The following SYNE2 variants were observed in gnomAD, a reference collection of about 807,000 sequenced individuals.
SYNE2 encodes nesprin-2.
Under a neutral mutation model 856.3 loss-of-function variants are expected in SYNE2, and 431 were observed. That is an observed-to-expected ratio of 0.50 (90% CI 0.47 to 0.55). SYNE2 has a LOEUF of 0.55. Ranked by LOEUF, SYNE2 falls within the 20% of genes least tolerant of loss-of-function variation. The probability of loss-of-function intolerance (pLI) is 0.00; values close to 1 mark genes in which losing one functional copy is unlikely to be tolerated. For missense variants in SYNE2, 8,129 were observed against 8,023.2 expected (o/e 1.01, Z -0.50); for synonymous variants, 2,923 against 2,872.3 (o/e 1.02, Z -0.56).
intron 98 of SYNE2, among the ~76,000 whole-genome samples, chr14:64,189,697 T>TCA (rs1447609564): frequency 1.3e-5 from 2 of 152,234 alleles, no homozygotes; most frequent in African/African-American, 4.8e-5. Flanking sequence ...GTATGAGGTT[T>TCA]TGAGACAGTG....
intron 45 of SYNE2, among the ~76,000 whole-genome samples, chr14:64,032,516 T>C (rs1299324091): frequency 6.6e-6 from 1 of 152,206 alleles, no homozygotes; most frequent in East Asian, 1.9e-4. Flanking sequence ...GAGCTGTGAT[T>C]GCACCACTGT....
intron 57 of SYNE2, among the ~76,000 whole-genome samples, chr14:64,082,541 A>G (rs559551943): frequency 6.6e-6 from 1 of 152,278 alleles, no homozygotes; most frequent in South Asian, 2.1e-4. Flanking sequence ...CTAGAAGCTG[A>G]GAGTCAATGA....
At chr14:63,775,841 A>G (rs1326595337) in intron 1 of SYNE2, among the ~76,000 whole-genome samples, 1 of 152,142 alleles carries the variant, frequency 6.6e-6, no homozygotes, top group African/African-American at 2.4e-5. Context: ...GAGATATAGT[A>G]ATAGCTTTTG....
At chr14:63,774,529 GTTTTTTTCT>G (rs376107526) in intron 1 of SYNE2, among the ~76,000 whole-genome samples, 20 of 150,040 alleles carry the variant, frequency 1.3e-4, no homozygotes, top group Middle Eastern at 3.4e-3. Flanking sequence ...CAAGAGAGAA[GTTTTTTTCT>G]TTTTTTTCTT....
Position 64,010,008 on chromosome 14 carries a change from T to C in SYNE2, c.4620T>C (p.Tyr1540=), listed in dbSNP as rs1176196019. 1 of 1,613,892 alleles carries C rather than the reference T, an allele frequency of 6.2e-7. No individual in the cohort carries two copies. Among genetic ancestry groups the C allele is most frequent in the Non-Finnish European group, 8.5e-7 (1 of 1,179,854 alleles). Residue 1540 remains tyrosine, a synonymous_variant, in exon 32 of 116, where the codon TAT becomes TAC. Coordinates refer to ENST00000555002, the MANE Select transcript of SYNE2 (RefSeq NM_182914.3). ...GAGTTTTGGAGCTCTTAAAACAATA[T>C]CAGAATTTTAAAAGCATCTTGACAA... is the stretch of plus-strand genomic sequence containing the variant. ...CGRVLELLKQ[Y]QNFKSILTTL...
In SYNE2 at chr14:64,076,154, G is replaced by A. The variant is rs1255960; in HGVS notation, c.11022+54G>A. On this transcript the variant is annotated intron_variant, in intron 54 of 115. Transcript: ENST00000555002. ...TATTTACGGAGCTGAATGACTATCA[G>A]GAGGAAAATATCATTTAATGTCAAA... The A allele has an allele frequency of 0.92, 1,469,378 of 1,588,932 alleles. 681,020 individuals carry two copies. Among genetic ancestry groups the A allele is most frequent in the Non-Finnish European group, 0.94 (1,096,916 of 1,162,434 alleles).
At chr14:63,908,854 C>G (rs1330663618) in intron 1 of SYNE2, among the ~76,000 whole-genome samples, 1 of 152,134 alleles carries the variant, frequency 6.6e-6, no homozygotes, top group African/African-American at 2.4e-5. Context: ...ATCCACAATG[C>G]TAGTTCTTCT....
In SYNE2 at chr14:64,194,497, G is replaced by T. The variant is rs1354894870; in HGVS notation, c.18038+4260G>T. The stretch of plus-strand genomic sequence containing the variant: ...GTTGTTTGTTTTTTGTAGAGATGGG[G>T]TTTCACCATATTGCCCAAGCTGGTC... On this transcript the variant is annotated intron_variant, in intron 99 of 115. Coordinates refer to ENST00000555002, the MANE Select transcript of SYNE2 (RefSeq NM_182914.3). 2.0e-5 allele frequency among the ~76,000 whole-genome samples: 3 copies of T among 152,104 alleles called. No individual in the cohort carries two copies. The East Asian group carries it at 5.8e-4, about 29-fold the overall frequency.
Position 64,007,203 on chromosome 14 carries a change from A to C in SYNE2, c.4558A>C (p.Lys1520Gln). The change falls in exon 31 of 116, where the codon AAA becomes CAA. Residue 1520 changes from lysine to glutamine, a missense_variant. Physicochemically the swap from Lys to Gln is moderately conservative, Grantham distance 53. Coordinates refer to ENST00000555002, the MANE Select transcript of SYNE2 (RefSeq NM_182914.3). ...QNTVVLWENTKALVTECLEQC... is the reference protein window; with the variant it reads ...QNTVVLWENTQALVTECLEQC... ...TACAGTAGTCTTGTGGGAGAATACC[A>C]AAGCCTTGGTCACCGAATGGTAAGG... The C allele has an allele frequency of 6.2e-7, 1 of 1,614,166 alleles. No individual in the cohort carries two copies. The highest frequency in any genetic ancestry group is 1.1e-5 in the South Asian group (1 of 91,090).
chr14:64,004,970 G>A (rs2096785020), intron 30 of SYNE2, among the ~76,000 whole-genome samples: 2 of 152,188 alleles, frequency 1.3e-5, no homozygotes, highest in African/African-American at 4.8e-5. Flanking sequence ...CTGAGAAGGT[G>A]GCCTTGGCAT....
intron 32 of SYNE2, among the ~76,000 whole-genome samples, chr14:64,011,491 A>C (rs1329600552): frequency 6.6e-6 from 1 of 152,170 alleles, no homozygotes; most frequent in African/African-American, 2.4e-5. Context: ...CTTGTGTCCC[A>C]GTTCGCATAG....
At chr14:64,103,734 C>T (rs1318345396) in intron 64 of SYNE2, among the ~76,000 whole-genome samples, 2 of 152,132 alleles carry the variant, frequency 1.3e-5, no homozygotes, top group African/African-American at 4.8e-5. Flanking sequence ...TTCCTTGTGG[C>T]CCCACTACTT....
chr14:63,979,255 C>G (rs569531907), intron 14 of SYNE2, among the ~76,000 whole-genome samples: 8 of 152,060 alleles, frequency 5.3e-5, no homozygotes, highest in African/African-American at 1.9e-4. Flanking sequence ...TAAGAGTTAA[C>G]CAGGTCTATT....
At chr14:63,848,600 A>G (rs1566605408), upstream of SYNE2, among the ~76,000 whole-genome samples, 1 of 152,228 alleles carries the variant, frequency 6.6e-6, no homozygotes, top group Non-Finnish European at 1.5e-5. Context: ...AAACATGTCC[A>G]GGTTCTAATT....
intron 66 of SYNE2, among the ~76,000 whole-genome samples, chr14:64,117,841 A>G (rs1202118741): frequency 6.6e-6 from 1 of 152,188 alleles, no homozygotes; most frequent in African/African-American, 2.4e-5. Flanking sequence ...GTGCTGGAGT[A>G]TGAATATGCT....
intron 87 of SYNE2, 66 bp downstream of exon 87, chr14:64,159,508 G>A (rs1389175382): frequency 5.1e-6 from 8 of 1,575,884 alleles, no homozygotes; most frequent in Non-Finnish European, 6.1e-6. Flanking sequence ...AGAATGAGGG[G>A]GCATAGGCAT....
intron 31 of SYNE2, among the ~76,000 whole-genome samples, chr14:64,007,808 C>T (rs548818619): frequency 4.1e-4 from 62 of 151,726 alleles, no homozygotes; most frequent in Admixed American, 2.2e-3. Context: ...GTCAGGAGTT[C>T]GAGACCAGCC....
At chr14:63,902,282 G>A (rs995348564) in intron 1 of SYNE2, among the ~76,000 whole-genome samples, 24 of 151,590 alleles carry the variant, frequency 1.6e-4, no homozygotes, top group African/African-American at 5.8e-4. Flanking sequence ...GTGGTGGTAC[G>A]TGCCTGTAAT....
chr14:64,075,612 TTTTGC>T, intron 53 of SYNE2: 1 of 200,350 alleles, frequency 5.0e-6, no homozygotes, highest in Non-Finnish European at 1.0e-5. Flanking sequence ...TTTTTTTTTT[TTTTGC>T]TGCTTGCAGC....
Sources: allele counts gnomAD v4.1 joint callset (sites outside exome capture counted in the v4.1 genomes callset), GRCh38; gene constraint gnomAD v4.1.1; transcripts MANE v1.5; gene names NCBI Gene and HGNC (gene_info 2026-07-23, HGNC 2026-07-21).